Variants in ADGRB3 observed in about 807,000 individuals in gnomAD.
ADGRB3 encodes the protein brain-specific angiogenesis inhibitor 3.
A neutral mutation model predicts 193.4 loss-of-function variants in ADGRB3; 37 were observed. The ratio of observed to expected loss-of-function variants is 0.19; its 90% CI spans 0.15 to 0.25. ADGRB3 has a LOEUF of 0.25. Among genes scored for constraint, ADGRB3 ranks in the 10% least tolerant of loss-of-function variants. The probability of loss-of-function intolerance (pLI) is 1.00; values close to 1 mark genes in which losing one functional copy is unlikely to be tolerated. For missense variants in ADGRB3, 1,637 were observed against 1,852.9 expected, an observed-to-expected ratio of 0.88 and a Z score of 2.14; for synonymous variants, 690 against 644.2, an observed-to-expected ratio of 1.07 and a Z score of -1.08.
intron 17 of ADGRB3, among the ~76,000 whole-genome samples, chr6:69,110,308 A>G (rs530999735): frequency 7.9e-5 from 12 of 152,182 alleles, no homozygotes; most frequent in Non-Finnish European, 1.5e-4. Flanking sequence ...CATGCTTACT[A>G]TAATGAAATT....
intron 20 of ADGRB3, among the ~76,000 whole-genome samples, chr6:69,252,884 A>G (rs528950327): frequency 2.0e-5 from 3 of 152,000 alleles, no homozygotes; most frequent in South Asian, 4.1e-4. Context: ...ATGTTTTTCT[A>G]TATTATCTTA....
At chr6:69,102,067 C>T (rs1475671901) in intron 17 of ADGRB3, among the ~76,000 whole-genome samples, 1 of 151,330 alleles carries the variant, frequency 6.6e-6, no homozygotes, top group Non-Finnish European at 1.5e-5. Flanking sequence ...GTCCCAGCAA[C>T]TCGGAGAGGC....
chr6:69,006,601 G>A (rs1488398790), intron 11 of ADGRB3, among the ~76,000 whole-genome samples: 1 of 151,436 alleles, frequency 6.6e-6, no homozygotes, highest in Admixed American at 6.6e-5. Flanking sequence ...TGCTTCCTGA[G>A]TTCACGCAAT....
intron 20 of ADGRB3, among the ~76,000 whole-genome samples, chr6:69,289,770 C>T (rs1016264616): frequency 1.3e-5 from 2 of 151,924 alleles, no homozygotes; most frequent in African/African-American, 4.8e-5. Context: ...GGGAAGCAGT[C>T]TCTCTGGCTT....
Position 68,679,401 on chromosome 6 carries a change from G to A in ADGRB3, c.757+39969G>A, listed in dbSNP as rs114399915. 1.9e-3 allele frequency among the ~76,000 whole-genome samples: 294 copies of A among 152,176 alleles called. 3 individuals carry two copies. The highest frequency in any genetic ancestry group is 6.8e-3 in the African/African-American group (283 of 41,530). On this transcript the variant is annotated intron_variant, in intron 3 of 31. Transcript: ENST00000370598. ...TGAATTCAAGTAGAGAAAGGGGAAC[G>A]CTTGCACAGAAGGCACACTGGCTCA...
chr6:68,657,129 A>G (rs1251932368), intron 3 of ADGRB3, among the ~76,000 whole-genome samples: 4 of 151,428 alleles, frequency 2.6e-5, no homozygotes, highest in Admixed American at 6.6e-5. Flanking sequence ...TCAATCAGAC[A>G]AGCAGCCTAA....
chr6:69,134,921 T>C (rs1297031371), intron 17 of ADGRB3, among the ~76,000 whole-genome samples: 1 of 152,052 alleles, frequency 6.6e-6, no homozygotes, highest in Non-Finnish European at 1.5e-5. Flanking sequence ...GTTGATTACA[T>C]AGGTTTTCAT....
At chr6:69,185,459 G>A (rs950429021) in intron 17 of ADGRB3, among the ~76,000 whole-genome samples, 1 of 152,096 alleles carries the variant, frequency 6.6e-6, no homozygotes, top group Non-Finnish European at 1.5e-5. Context: ...GCAGAGCCAG[G>A]AACATTTTCA....
chr6:68,922,499 G>A (rs17476556), intron 3 of ADGRB3, among the ~76,000 whole-genome samples: 1 of 152,154 alleles, frequency 6.6e-6, no homozygotes, highest in Admixed American at 6.5e-5. Flanking sequence ...ACTCAGACTC[G>A]TGCATGTGCA....
chr6:68,826,467 C>T (rs918758248), intron 3 of ADGRB3, among the ~76,000 whole-genome samples: 2 of 152,040 alleles, frequency 1.3e-5, no homozygotes, highest in African/African-American at 4.8e-5. Context: ...GAGAGGAGCT[C>T]AGAGCTATAA....
At chr6:68,982,984 T>C (rs1405349773) in intron 10 of ADGRB3, among the ~76,000 whole-genome samples, 6 of 152,180 alleles carry the variant, frequency 3.9e-5, no homozygotes, top group Non-Finnish European at 8.8e-5. Flanking sequence ...TCATTCTCAC[T>C]ACTTACATAG....
chr6:68,874,856 C>T (rs977216272), intron 3 of ADGRB3, among the ~76,000 whole-genome samples: 1 of 152,024 alleles, frequency 6.6e-6, no homozygotes, highest in African/African-American at 2.4e-5. Context: ...TCATGATTCA[C>T]AGAGTAAAAT....
chr6:68,789,513 C>T (rs558920991), intron 3 of ADGRB3, among the ~76,000 whole-genome samples: 22 of 152,328 alleles, frequency 1.4e-4, no homozygotes, highest in South Asian at 8.3e-4. Context: ...AGAGTTTCTG[C>T]GGAGAGATCA....
intron 29 of ADGRB3, among the ~76,000 whole-genome samples, chr6:69,369,848 A>G (rs1769669542): frequency 1.3e-5 from 2 of 152,162 alleles, no homozygotes; most frequent in African/African-American, 4.8e-5. Flanking sequence ...AAATATGTAA[A>G]TATCAAATTG....
intron 3 of ADGRB3, among the ~76,000 whole-genome samples, chr6:68,795,675 C>A (rs1249947385): frequency 2.0e-5 from 3 of 151,934 alleles, no homozygotes; most frequent in Non-Finnish European, 4.4e-5. Flanking sequence ...TGTCAGAAGT[C>A]TTTGAAAAAA....
At chr6:68,853,844 G>A (rs1768455170) in intron 3 of ADGRB3, among the ~76,000 whole-genome samples, 1 of 152,114 alleles carries the variant, frequency 6.6e-6, no homozygotes, top group African/African-American at 2.4e-5. Flanking sequence ...ACATGAATAA[G>A]GGTAACATAG....
At chr6:69,062,420 A>C (rs1474498592) in intron 15 of ADGRB3, among the ~76,000 whole-genome samples, 6 of 151,974 alleles carry the variant, frequency 3.9e-5, no homozygotes. Flanking sequence ...AATTATGGTC[A>C]ATAATTAGCA....
Position 69,332,986 on chromosome 6 carries a change from A to G in ADGRB3, c.3166A>G (p.Lys1056Glu), listed in dbSNP as rs1768760166. The change falls in exon 24 of 32, where the codon AAA (lysine) becomes GAA (glutamate). Residue 1056 changes from lysine (K) to glutamate (E), a missense_variant. Lys to Glu is a moderately conservative substitution (Grantham distance 56). Transcript: ENST00000370598. ...KLVSRDGILD[K>E]KLKHRAGQMS... is the part of the protein sequence containing the mutation. Reference sequence around the variant, plus strand: ...TGTTTCCAGAGATGGAATCCTAGATAAAAAGCTCAAACACAGAGCCGGGTA... The same window carrying G: ...TGTTTCCAGAGATGGAATCCTAGATGAAAAGCTCAAACACAGAGCCGGGTA... The G allele has an allele frequency of 1.2e-6, 2 of 1,613,954 alleles. No individual in the cohort carries two copies. The highest frequency in any genetic ancestry group is 3.3e-5 in the Admixed American group (2 of 60,014).
intron 17 of ADGRB3, among the ~76,000 whole-genome samples, chr6:69,222,016 A>G (rs943269887): frequency 6.6e-6 from 1 of 152,178 alleles, no homozygotes; most frequent in Non-Finnish European, 1.5e-5. Context: ...GTGAAAATCA[A>G]TTCATTAAAT....
Sources: gnomAD v4.1 joint callset for allele counts (sites outside exome capture counted in the v4.1 genomes callset) on GRCh38, gnomAD v4.1.1 for gene constraint, MANE v1.5 for transcripts, NCBI Gene and HGNC (gene_info 2026-07-23, HGNC 2026-07-21) for gene names.